Variants in ARID4A observed in about 807,000 individuals in gnomAD.
ARID4A encodes the protein AT-rich interaction domain 4A, also known as AT-rich interactive domain-containing protein 4A.
A neutral mutation model predicts 148.6 loss-of-function variants in ARID4A; 39 were observed. The ratio of observed to expected loss-of-function variants is 0.26; its 90% CI spans 0.20 to 0.34. ARID4A has a LOEUF of 0.34. Ranked by LOEUF, ARID4A falls within the 10% of genes least tolerant of loss-of-function variation. The pLI is 1.00. For synonymous variants in ARID4A, 475 were observed against 481.2 expected (o/e 0.99, Z 0.17); for missense variants, 1,265 against 1,449.1 (o/e 0.87, Z 2.06).
intron 3 of ARID4A, 82 bp downstream of exon 3, chr14:58,301,772 T>G (rs2031189408): frequency 3.1e-6 from 3 of 952,510 alleles, no homozygotes. Context: ...ATCAGCATTT[T>G]ATTGAGTCAT....
intron 15 of ARID4A, among the ~76,000 whole-genome samples, chr14:58,348,416 G>GA: frequency 6.6e-6 from 1 of 152,272 alleles, no homozygotes; most frequent in East Asian, 1.9e-4. Context: ...TTGAATAAAT[G>GA]AATCACCTCT....
intron 2 of ARID4A, 104 bp downstream of exon 2, chr14:58,299,964 C>T (rs1004162695): frequency 1.2e-5 from 18 of 1,509,818 alleles, no homozygotes; most frequent in Middle Eastern, 3.4e-4. Flanking sequence ...AATTGATGTT[C>T]CTACTGATCA....
intron 2 of ARID4A, 113 bp downstream of exon 2, chr14:58,299,973 C>A: frequency 4.7e-6 from 7 of 1,475,374 alleles, no homozygotes; most frequent in Non-Finnish European, 6.6e-6. Context: ...TCCTACTGAT[C>A]AGCAGTTTCG....
intron 5 of ARID4A, among the ~76,000 whole-genome samples, chr14:58,317,879 A>G (rs1356526439): frequency 6.6e-6 from 1 of 151,960 alleles, no homozygotes; most frequent in Non-Finnish European, 1.5e-5. Flanking sequence ...GATGCCTGTA[A>G]TCCGAGCACT....
intron 17 of ARID4A, 94 bp downstream of exon 17, chr14:58,353,949 T>C: frequency 9.0e-7 from 1 of 1,105,098 alleles, no homozygotes. Flanking sequence ...CAAATAATGG[T>C]ACATATTTAC....
At chr14:58,315,513 C>A (rs1025324790) in intron 5 of ARID4A, among the ~76,000 whole-genome samples, 10 of 152,100 alleles carry the variant, frequency 6.6e-5, no homozygotes, top group Admixed American at 2.0e-4. Flanking sequence ...TTTCCTTTTT[C>A]ATACCTCCAT....
At chr14:58,313,230 C>T (rs559530177) in intron 5 of ARID4A, among the ~76,000 whole-genome samples, 1 of 152,226 alleles carries the variant, frequency 6.6e-6, no homozygotes, top group East Asian at 1.9e-4. Context: ...TTTCTGAGAG[C>T]AGTGGTCCCC....
In ARID4A at chr14:58,340,905, A is replaced by G. The variant is rs1175464856; in HGVS notation, c.907-3790A>G. On this transcript the variant is annotated intron_variant, in intron 11 of 23. Transcript: ENST00000355431. ...AATGAATGTGAAGCAAGAAAACTCT[A>G]CACAATTCATTTGCACAGATATCAT... Among the ~76,000 whole-genome samples, 5 of 152,216 alleles carry G rather than the reference A, an allele frequency of 3.3e-5. No individual in the cohort carries two copies. In the East Asian group the frequency reaches 7.7e-4, roughly 23 times the overall value.
At chr14:58,359,350 ACT>A (rs1426549523) in intron 18 of ARID4A, 134 bp downstream of exon 18, 2 of 740,664 alleles carry the variant, frequency 2.7e-6, no homozygotes, top group African/African-American at 1.8e-5. Flanking sequence ...CCTCCCATAT[ACT>A]CTCTGCCCCA....
At chr14:58,302,802 T>C (rs1179783849) in intron 3 of ARID4A, among the ~76,000 whole-genome samples, 2 of 150,016 alleles carry the variant, frequency 1.3e-5, no homozygotes, top group Non-Finnish European at 3.0e-5. Flanking sequence ...GAAAAAAAGA[T>C]AAAAAGTATT....
chr14:58,359,331 G>A, intron 18 of ARID4A, 115 bp downstream of exon 18: 1 of 961,182 alleles, frequency 1.0e-6, no homozygotes, highest in South Asian at 1.8e-5. Context: ...TGAGAGCAAG[G>A]TATATAGACC....
At chr14:58,365,341 C>A in intron 20 of ARID4A, 41 bp downstream of exon 20, 1 of 1,546,974 alleles carries the variant, frequency 6.5e-7, no homozygotes, top group Non-Finnish European at 8.7e-7. Context: ...TATATGAAAC[C>A]AAAAATCAAA....
chr14:58,301,957 A>G (rs946311453), intron 3 of ARID4A, among the ~76,000 whole-genome samples: 2 of 152,204 alleles, frequency 1.3e-5, no homozygotes, highest in Non-Finnish European at 2.9e-5. Flanking sequence ...ACTGTAATCT[A>G]TTTTCTCCCC....
chr14:58,339,292 T>C (rs1322887597), intron 11 of ARID4A, among the ~76,000 whole-genome samples: 1 of 152,062 alleles, frequency 6.6e-6, no homozygotes, highest in Non-Finnish European at 1.5e-5. Flanking sequence ...TTTTAAGGGA[T>C]TCCCATAGAG....
chr14:58,322,321 A>G (rs1367710514), intron 7 of ARID4A, among the ~76,000 whole-genome samples: 1 of 152,160 alleles, frequency 6.6e-6, no homozygotes, highest in Non-Finnish European at 1.5e-5. Flanking sequence ...GACATGATAT[A>G]TATTTAATAA....
chr14:58,312,002 C>G (rs1394755995), intron 5 of ARID4A, among the ~76,000 whole-genome samples: 1 of 152,012 alleles, frequency 6.6e-6, no homozygotes, highest in African/African-American at 2.4e-5. Flanking sequence ...GGAATAAGTT[C>G]AAGAGCTCCA....
intron 3 of ARID4A, 90 bp from the exon 4 acceptor site, chr14:58,304,854 C>T (rs765984235): frequency 2.5e-5 from 28 of 1,102,516 alleles, no homozygotes; most frequent in Non-Finnish European, 3.5e-5. Context: ...GCTAAGAAAG[C>T]ATAAATTAAA....
intron 17 of ARID4A, among the ~76,000 whole-genome samples, chr14:58,358,266 C>T (rs1309766520): frequency 2.6e-5 from 4 of 152,020 alleles, no homozygotes; most frequent in African/African-American, 4.8e-5. Context: ...GTCAGGAGTT[C>T]GAGACCAGCA....
intron 7 of ARID4A, among the ~76,000 whole-genome samples, 199 bp downstream of exon 7, chr14:58,319,004 T>A (rs1293422311): frequency 6.6e-6 from 1 of 152,246 alleles, no homozygotes; most frequent in Non-Finnish European, 1.5e-5. Context: ...CTCTTACTTC[T>A]AATAGATTAT....
Sources: gnomAD v4.1 joint callset for allele counts (sites outside exome capture counted in the v4.1 genomes callset) on GRCh38, gnomAD v4.1.1 for gene constraint, MANE v1.5 for transcripts, NCBI Gene and HGNC (gene_info 2026-07-23, HGNC 2026-07-21) for gene names.